MNAT1: variants seen among roughly 807,000 people sequenced by gnomAD.
The protein encoded by MNAT1 is CDK-activating kinase assembly factor MAT1.
Under a neutral mutation model 42.0 loss-of-function variants are expected in MNAT1, and 43 were observed. That is an observed-to-expected ratio of 1.02 (90% CI 0.80 to 1.32). MNAT1 has a LOEUF of 1.32. Ranked by LOEUF, MNAT1 falls within the 40% of genes most tolerant of loss-of-function variation. The pLI is 0.00. For synonymous variants in MNAT1, 118 were observed against 120.0 expected (o/e 0.98, Z 0.11); for missense variants, 306 against 350.4 (o/e 0.87, Z 1.01).
intron 6 of MNAT1, among the ~76,000 whole-genome samples, chr14:60,835,096 T>A (rs1302807050): frequency 6.6e-6 from 1 of 151,456 alleles, no homozygotes; most frequent in Non-Finnish European, 1.5e-5. Flanking sequence ...TGCTTTCCAT[T>A]TGCTTGGTAA....
chr14:60,747,222 G>T (rs941784386), intron 1 of MNAT1, among the ~76,000 whole-genome samples: 8 of 151,726 alleles, frequency 5.3e-5, no homozygotes, highest in Non-Finnish European at 1.2e-4. Flanking sequence ...CTGACCTTGT[G>T]ATCTGCCCGC....
intron 7 of MNAT1, among the ~76,000 whole-genome samples, chr14:60,901,272 T>C (rs1395010088): frequency 6.6e-6 from 1 of 152,146 alleles, no homozygotes; most frequent in African/African-American, 2.4e-5. Context: ...TGAAGCCCAC[T>C]CTTGAGACTT....
intron 7 of MNAT1, among the ~76,000 whole-genome samples, chr14:60,911,702 T>G (rs1157908362): frequency 6.6e-6 from 1 of 152,158 alleles, no homozygotes; most frequent in Non-Finnish European, 1.5e-5. Flanking sequence ...GTTATAATTT[T>G]TGTTCTTTTA....
intron 1 of MNAT1, among the ~76,000 whole-genome samples, chr14:60,736,124 T>C (rs1896301028): frequency 6.6e-6 from 1 of 152,220 alleles, no homozygotes; most frequent in Non-Finnish European, 1.5e-5. Flanking sequence ...AGAGCTGTGA[T>C]TGAATGATTT....
At chr14:60,801,267 G>T (rs1452493814) in intron 3 of MNAT1, among the ~76,000 whole-genome samples, 3 of 151,666 alleles carry the variant, frequency 2.0e-5, no homozygotes, top group Admixed American at 2.0e-4. Context: ...AAACATGAGG[G>T]ATGACTAAAA....
chr14:60,842,859 C>T (rs955633336), intron 6 of MNAT1, among the ~76,000 whole-genome samples: 2 of 152,154 alleles, frequency 1.3e-5, no homozygotes, highest in African/African-American at 4.8e-5. Flanking sequence ...GTACTCAGAA[C>T]ACTTACATTA....
At chr14:60,772,961 GTCTC>G (rs2031116573) in intron 1 of MNAT1, among the ~76,000 whole-genome samples, 1 of 149,270 alleles carries the variant, frequency 6.7e-6, no homozygotes, top group South Asian at 2.1e-4. Context: ...TTGAGACAGA[GTCTC>G]TCTCTGTCGC....
intron 1 of MNAT1, among the ~76,000 whole-genome samples, chr14:60,761,022 T>C (rs1221706658): frequency 1.3e-5 from 2 of 152,228 alleles, no homozygotes; most frequent in Non-Finnish European, 2.9e-5. Context: ...CTTTTGGCCA[T>C]TGTACTTTTT....
In MNAT1 at chr14:60,818,794, C is replaced by G; in HGVS notation, c.634C>G (p.Leu212Val). The G allele has an allele frequency of 6.2e-7, 1 of 1,612,872 alleles. No homozygotes were observed. The highest frequency in any genetic ancestry group is 8.5e-7 in the Non-Finnish European group (1 of 1,179,142). Residue 212 changes from leucine to valine, a missense_variant, in exon 6 of 8, where the codon CTT (leucine) becomes GTT (valine). Around this residue, in one of 3 missense-constraint regions of MNAT1, gnomAD observed 116 missense variants for 139.6 expected, o/e 0.83. Transcript: ENST00000261245. ...TAGATCTACCCAATTAGAAATGCAA[C>G]TTGAGAAACCCAAACCTGTAAAACC... ...KDRSTQLEMQLEKPKPVKPVT... is the reference protein window; with the variant it reads ...KDRSTQLEMQVEKPKPVKPVT...
chr14:60,741,854 C>G (rs1039458306), intron 1 of MNAT1, among the ~76,000 whole-genome samples: 1 of 151,756 alleles, frequency 6.6e-6, no homozygotes, highest in Non-Finnish European at 1.5e-5. Flanking sequence ...CTGGGAGACT[C>G]TACTTCACTG....
At chr14:60,788,793 A>G (rs1187662890) in intron 1 of MNAT1, among the ~76,000 whole-genome samples, 1 of 152,174 alleles carries the variant, frequency 6.6e-6, no homozygotes, top group African/African-American at 2.4e-5. Context: ...CCTTTATAGG[A>G]TTGAAGAGAG....
At position 60,748,379 on chromosome 14, in the gene MNAT1, C is replaced by T. The variant is rs146211495; in HGVS notation, c.89+13428C>T. ...CTGAATAGCTGCGACTCCAGGTTGG[C>T]GCCACTGTGCCCAGTTAGTTTTTTG... On this transcript the variant is annotated intron_variant, in intron 1 of 7. Coordinates refer to ENST00000261245, the MANE Select transcript of MNAT1 (RefSeq NM_002431.4). Among the ~76,000 whole-genome samples the T allele has an allele frequency of 1.1e-3, 167 of 152,146 alleles. 1 individual carries two copies. The East Asian group carries it at 0.022, about 20-fold the overall frequency.
At chr14:60,843,305 C>T (rs1238264937) in intron 6 of MNAT1, among the ~76,000 whole-genome samples, 1 of 152,080 alleles carries the variant, frequency 6.6e-6, no homozygotes, top group Non-Finnish European at 1.5e-5. Context: ...GAGTCTCGCT[C>T]TGTCGCCCAG....
At chr14:60,834,158 T>G (rs2033306699) in intron 6 of MNAT1, among the ~76,000 whole-genome samples, 1 of 152,210 alleles carries the variant, frequency 6.6e-6, no homozygotes, top group Non-Finnish European at 1.5e-5. Flanking sequence ...GTGTTTTTTG[T>G]GTCTCTATCT....
intron 7 of MNAT1, among the ~76,000 whole-genome samples, chr14:60,936,436 G>A (rs944482225): frequency 7.4e-6 from 1 of 135,140 alleles, no homozygotes; most frequent in African/African-American, 2.9e-5. Flanking sequence ...GTGTCCGTGT[G>A]TTCTCATTGT....
chr14:60,898,312 A>G (rs1441080950), intron 7 of MNAT1, among the ~76,000 whole-genome samples: 1 of 152,078 alleles, frequency 6.6e-6, no homozygotes, highest in Non-Finnish European at 1.5e-5. Flanking sequence ...GCTGGATCAT[A>G]TAGTTCTATT....
intron 1 of MNAT1, among the ~76,000 whole-genome samples, chr14:60,768,394 G>A (rs147122296): frequency 6.6e-6 from 1 of 152,274 alleles, no homozygotes; most frequent in East Asian, 1.9e-4. Context: ...TAAAGGTCTT[G>A]GTTGACTTCT....
chr14:60,782,654 G>A (rs2031504969), intron 1 of MNAT1, among the ~76,000 whole-genome samples: 1 of 152,110 alleles, frequency 6.6e-6, no homozygotes, highest in African/African-American at 2.4e-5. Flanking sequence ...CATTTTACCT[G>A]TATTAACTAA....
At chr14:60,938,639 T>C (rs1427509127) in intron 7 of MNAT1, among the ~76,000 whole-genome samples, 3 of 152,190 alleles carry the variant, frequency 2.0e-5, no homozygotes, top group Admixed American at 6.5e-5. Flanking sequence ...TTTGCCAGTA[T>C]TTTTTTGAGA....
Sources: allele counts gnomAD v4.1 joint callset (sites outside exome capture counted in the v4.1 genomes callset), GRCh38; gene constraint gnomAD v4.1.1; regional missense constraint gnomAD v4.1.1; transcripts MANE v1.5; gene names NCBI Gene and HGNC (gene_info 2026-07-23, HGNC 2026-07-21).